The following TASOR variants were observed in gnomAD, a reference collection of about 807,000 sequenced individuals.
TASOR encodes transcription activation suppressor, also known as protein TASOR.
In TASOR, 53 loss-of-function variants were observed where a neutral mutation model predicts 178.6. The ratio of observed to expected loss-of-function variants is 0.30; its 90% confidence interval spans 0.24 to 0.37. The LOEUF (loss-of-function observed/expected upper bound fraction) is 0.37. Among genes scored for constraint, TASOR ranks in the 10% least tolerant of loss-of-function variants. The pLI is 1.00. For synonymous variants in TASOR, 713 were observed against 696.2 expected (o/e 1.02, Z -0.38); for missense variants, 1,815 against 1,971.4 (o/e 0.92, Z 1.50).
chr3:56,662,931 C>A (rs1346672355), intron 8 of TASOR, among the ~76,000 whole-genome samples: 1 of 152,168 alleles, frequency 6.6e-6, no homozygotes, highest in African/African-American at 2.4e-5. Flanking sequence ...GTAACCCCAG[C>A]ACTTTGGGAG....
chr3:56,665,453 T>C (rs1214184692), intron 7 of TASOR, among the ~76,000 whole-genome samples: 1 of 151,976 alleles, frequency 6.6e-6, no homozygotes, highest in Non-Finnish European at 1.5e-5. Context: ...ACCGCCCAGG[T>C]TCAAGCGATT....
intron 5 of TASOR, among the ~76,000 whole-genome samples, chr3:56,669,001 G>C (rs1206120800): frequency 6.7e-6 from 1 of 150,096 alleles, no homozygotes; most frequent in East Asian, 2.0e-4. Context: ...ATATCTCATA[G>C]AACACTTTTA....
chr3:56,674,038 T>C lies in TASOR; in HGVS notation c.332-313A>G, dbSNP rs146225333. Among the ~76,000 whole-genome samples, 361 of 152,168 alleles carry C rather than the reference T, an allele frequency of 2.4e-3. 5 individuals are homozygous for C. The highest frequency in any genetic ancestry group is 7.7e-3 in the African/African-American group (318 of 41,512). On this transcript the variant is annotated intron_variant, in intron 1 of 23. Coordinates refer to ENST00000683822, the MANE Select transcript of TASOR (RefSeq NM_001365635.2). ...TTGCTTAAAGACTCTTAAAAGAACCTGTGTTTATACTCAACTTAGCTCCTA... is the reference window on the plus strand; with the variant it reads ...TTGCTTAAAGACTCTTAAAAGAACCCGTGTTTATACTCAACTTAGCTCCTA...
At chr3:56,658,359 C>G (rs1323417813) in intron 11 of TASOR, among the ~76,000 whole-genome samples, 2 of 152,206 alleles carry the variant, frequency 1.3e-5, no homozygotes, top group Non-Finnish European at 2.9e-5. Flanking sequence ...ATCCTCATAT[C>G]AGTAACCGAA....
chr3:56,663,720 C>T, intron 7 of TASOR, 148 bp from the exon 8 acceptor site: 2 of 1,073,472 alleles, frequency 1.9e-6, no homozygotes, highest in Non-Finnish European at 1.1e-6. Context: ...TTACTCATTA[C>T]AAAGTCTAGT....
intron 1 of TASOR, among the ~76,000 whole-genome samples, chr3:56,682,114 G>A (rs2031848972): frequency 6.6e-6 from 1 of 152,216 alleles, no homozygotes; most frequent in Non-Finnish European, 1.5e-5. Flanking sequence ...ACATGGAAAT[G>A]AAGTGTGATG....
At chr3:56,624,040 G>C (rs771159694) in intron 23 of TASOR, among the ~76,000 whole-genome samples, 9 of 152,082 alleles carry the variant, frequency 5.9e-5, no homozygotes, top group Non-Finnish European at 1.3e-4. Flanking sequence ...TCTCACAAAA[G>C]ATTAAAGCTA....
At chr3:56,671,757 T>C in intron 2 of TASOR, 65 bp from the exon 3 acceptor site, 3 of 1,293,100 alleles carry the variant, frequency 2.3e-6, no homozygotes. Context: ...CTACAAGTTT[T>C]ATTTTTTTTT....
chr3:56,640,611 C>G (rs1351551606), intron 15 of TASOR, among the ~76,000 whole-genome samples: 1 of 152,116 alleles, frequency 6.6e-6, no homozygotes, highest in African/African-American at 2.4e-5. Context: ...TCATCTTCCC[C>G]TTGAAATAAA....
At position 56,624,813 on chromosome 3, in the gene TASOR, G is replaced by T; in HGVS notation, c.4318+15C>A. 1 of 1,612,568 alleles carries T rather than the reference G, an allele frequency of 6.2e-7. No homozygotes were observed. The highest frequency in any genetic ancestry group is 1.1e-5 in the South Asian group (1 of 90,908). ...CCTATATTCATAGTAGAAAGCTTAG[G>T]AGTGCTCTCTTTACCTGTTAAAAAG... On this transcript the variant is annotated intron_variant, in intron 22 of 23. Transcript: ENST00000683822.
chr3:56,645,008 T>C (rs1001538250), intron 14 of TASOR, among the ~76,000 whole-genome samples: 8 of 152,220 alleles, frequency 5.3e-5, no homozygotes, highest in Non-Finnish European at 8.8e-5. Flanking sequence ...GCATGGTGGC[T>C]GACGACTGTA....
At chr3:56,657,378 C>G (rs1341888014) in intron 11 of TASOR, among the ~76,000 whole-genome samples, 1 of 151,822 alleles carries the variant, frequency 6.6e-6, no homozygotes, top group Non-Finnish European at 1.5e-5. Flanking sequence ...TATCATCTCC[C>G]TGGGTGAAAA....
At chr3:56,680,242 T>C (rs2031671565) in intron 1 of TASOR, among the ~76,000 whole-genome samples, 1 of 152,176 alleles carries the variant, frequency 6.6e-6, no homozygotes, top group South Asian at 2.1e-4. Flanking sequence ...AGTCTCCTCA[T>C]CTGTAAAATG....
chr3:56,621,570 C>T lies in TASOR; in HGVS notation c.*1467G>A, dbSNP rs746377454. 2 of 1,602,602 alleles carry T rather than the reference C, an allele frequency of 1.2e-6. No homozygotes were observed. Among genetic ancestry groups the T allele is most frequent in the Non-Finnish European group, 1.7e-6 (2 of 1,175,104 alleles). On this transcript the variant is annotated 3_prime_UTR_variant, in exon 24 of 24. Coordinates refer to ENST00000683822, the MANE Select transcript of TASOR (RefSeq NM_001365635.2). ...AGCAAAAGGAGTTGGAAAGTAGTCTCCTGCCTTTAGCTGAAAATCAAGAAG... is the reference window on the plus strand; with the variant it reads ...AGCAAAAGGAGTTGGAAAGTAGTCTTCTGCCTTTAGCTGAAAATCAAGAAG...
chr3:56,633,641 A>G lies in TASOR; in HGVS notation c.3150T>C (p.Pro1050=). 6.2e-7 allele frequency: 1 copy of G among 1,613,974 alleles called. No individual in the cohort carries two copies. Among genetic ancestry groups the G allele is most frequent in the Non-Finnish European group, 8.5e-7 (1 of 1,179,942 alleles). ...TCATCTTCTCTTGTGTTGAAAAGAT[A>G]GGTGTGGAAACTGTACTGACATATG... ...NVSYVSTVST[P]IFSTQEKMKR... The change falls in exon 18 of 24, where the codon CCT becomes CCC. Residue 1050 remains proline, a synonymous_variant. Transcript: ENST00000683822.
At position 56,641,342 on chromosome 3, in the gene TASOR, T is replaced by C. The variant is rs776171042; in HGVS notation, c.2619+7A>G. On this transcript the variant is annotated splice_region_variant and intron_variant, in intron 15 of 23. Transcript: ENST00000683822. ...AACACAAAGGTAACCAACAGCTATA[T>C]GCTTACTTCTTTCAAATGTAGCTTA... The C allele has an allele frequency of 3.8e-6, 6 of 1,581,220 alleles. No individual in the cohort carries two copies. The Admixed American group carries it at 8.5e-5, about 22-fold the overall frequency.
At chr3:56,635,656 T>C (rs568019635) in intron 17 of TASOR, among the ~76,000 whole-genome samples, 1 of 152,292 alleles carries the variant, frequency 6.6e-6, no homozygotes, top group Non-Finnish European at 1.5e-5. Flanking sequence ...TCTGAATTAT[T>C]TATTAGACAT....
At position 56,682,665 on chromosome 3, in the gene TASOR, G is replaced by A. The variant is rs1270370500; in HGVS notation, c.331+11C>T. 4.1e-6 allele frequency: 6 copies of A among 1,454,598 alleles called. No homozygotes were observed. The highest frequency in any genetic ancestry group is 1.5e-5 in the South Asian group (1 of 68,950). The allele number at this position is 1,454,598 out of a possible 1,614,324, so 90.1% of individuals were successfully genotyped here. The stretch of plus-strand genomic sequence containing the variant: ...GAGAGAGAGGGGGTTGAGAAGAAGG[G>A]GAGGCACCACCTTTCTTTTCTCTGC... On this transcript the variant is annotated intron_variant, in intron 1 of 23. Transcript: ENST00000683822.
chr3:56,628,655 T>C, intron 18 of TASOR, 41 bp from the exon 19 acceptor site: 1 of 1,338,712 alleles, frequency 7.5e-7, no homozygotes, highest in African/African-American at 1.5e-5. Context: ...AAAATACTTC[T>C]TTGTAAACAT....
Sources: allele counts gnomAD v4.1 joint callset (sites outside exome capture counted in the v4.1 genomes callset), GRCh38; gene constraint gnomAD v4.1.1; transcripts MANE v1.5; gene names NCBI Gene and HGNC (gene_info 2026-07-23, HGNC 2026-07-21).